Variants in ARHGAP15 observed in about 807,000 individuals in gnomAD.
ARHGAP15 encodes Rho GTPase activating protein 15, also known as rho GTPase-activating protein 15.
A neutral mutation model predicts 63.7 loss-of-function variants in ARHGAP15; 51 were observed. The observed-to-expected ratio is 0.80, with a 90% CI of 0.64 to 1.01. ARHGAP15 has a LOEUF of 1.01. ARHGAP15 is among the 50% of genes least tolerant of loss of function. The pLI is 0.00. For synonymous variants in ARHGAP15, 191 were observed against 193.8 expected (o/e 0.99, Z 0.12); for missense variants, 560 against 564.6 (o/e 0.99, Z 0.08).
intron 6 of ARHGAP15, among the ~76,000 whole-genome samples, chr2:143,251,366 T>TATTTTTTAAATTA (rs1379750833): frequency 6.6e-6 from 1 of 152,008 alleles, no homozygotes; most frequent in Non-Finnish European, 1.5e-5. Context: ...GTATAATAAT[T>TATTTTTTAAATTA]ATTTTTTAAA....
chr2:143,335,572 A>G (rs961992278), intron 6 of ARHGAP15, among the ~76,000 whole-genome samples: 1 of 152,190 alleles, frequency 6.6e-6, no homozygotes, highest in Non-Finnish European at 1.5e-5. Flanking sequence ...TGCCAAGGAA[A>G]TGTTAAAACT....
intron 8 of ARHGAP15, among the ~76,000 whole-genome samples, chr2:143,481,428 T>C (rs1379120456): frequency 6.6e-6 from 1 of 151,956 alleles, no homozygotes; most frequent in Admixed American, 6.6e-5. Flanking sequence ...AATAACAACA[T>C]GTAATTGTAA....
At chr2:143,691,654 A>T (rs1323119327) in intron 12 of ARHGAP15, among the ~76,000 whole-genome samples, 1 of 152,208 alleles carries the variant, frequency 6.6e-6, no homozygotes, top group Non-Finnish European at 1.5e-5. Flanking sequence ...CTAAATGGGA[A>T]TGAGTTGCAT....
chr2:143,390,549 T>C (rs142426924), intron 6 of ARHGAP15, among the ~76,000 whole-genome samples: 2 of 152,204 alleles, frequency 1.3e-5, no homozygotes, highest in Non-Finnish European at 2.9e-5. Flanking sequence ...GCACACAGAT[T>C]GAAATGCTTT....
At chr2:143,363,333 AG>A (rs1236989304) in intron 6 of ARHGAP15, among the ~76,000 whole-genome samples, 11 of 152,288 alleles carry the variant, frequency 7.2e-5, no homozygotes, top group African/African-American at 2.6e-4. Flanking sequence ...TGAGGCCAGG[AG>A]TATGAGACCA....
intron 9 of ARHGAP15, among the ~76,000 whole-genome samples, chr2:143,490,809 G>C (rs1353316330): frequency 6.6e-6 from 1 of 152,008 alleles, no homozygotes; most frequent in Non-Finnish European, 1.5e-5. Flanking sequence ...TTGTTTTTTA[G>C]TAGAGATGGG....
chr2:143,321,014 T>TG (rs1487975683), intron 6 of ARHGAP15, among the ~76,000 whole-genome samples: 2 of 151,968 alleles, frequency 1.3e-5, no homozygotes, highest in Non-Finnish European at 2.9e-5. Flanking sequence ...CCACTTCCTA[T>TG]GGGGGGATTC....
chr2:143,695,059 C>T (rs1683781603), intron 12 of ARHGAP15, among the ~76,000 whole-genome samples: 1 of 151,840 alleles, frequency 6.6e-6, no homozygotes, highest in African/African-American at 2.4e-5. Flanking sequence ...AAAGATAATG[C>T]TTAATGTAAA....
At chr2:143,571,737 C>T (rs1235591617) in intron 11 of ARHGAP15, 1 of 152,154 alleles carries the variant, frequency 6.6e-6, no homozygotes, top group Non-Finnish European at 1.5e-5. Context: ...GCAAGTACCC[C>T]ACTCCCTCTT....
chr2:143,646,652 T>A (rs922196031), intron 12 of ARHGAP15, among the ~76,000 whole-genome samples: 3 of 152,074 alleles, frequency 2.0e-5, no homozygotes, highest in Non-Finnish European at 4.4e-5. Context: ...GATTTATATA[T>A]GCTGAAAACA....
At chr2:143,176,234 A>G (rs1304006247) in intron 2 of ARHGAP15, among the ~76,000 whole-genome samples, 1 of 152,204 alleles carries the variant, frequency 6.6e-6, no homozygotes, top group Non-Finnish European at 1.5e-5. Flanking sequence ...ATATTAAATG[A>G]GCAATTATAT....
At chr2:143,168,272 A>G (rs1690627571) in intron 2 of ARHGAP15, among the ~76,000 whole-genome samples, 1 of 151,908 alleles carries the variant, frequency 6.6e-6, no homozygotes, top group African/African-American at 2.4e-5. Flanking sequence ...CCTGGGTGCA[A>G]GTGCAAGCAA....
chr2:143,508,975 C>T (rs1318345749), intron 9 of ARHGAP15, among the ~76,000 whole-genome samples: 2 of 152,168 alleles, frequency 1.3e-5, no homozygotes, highest in Admixed American at 6.5e-5. Context: ...GTAGAAAGGG[C>T]TGGGAAGAAC....
chr2:143,354,680 ATATAT>A (rs1208612875), intron 6 of ARHGAP15, among the ~76,000 whole-genome samples: 1 of 152,192 alleles, frequency 6.6e-6, no homozygotes, highest in East Asian at 1.9e-4. Context: ...AGCTTGAATA[ATATAT>A]TAATATAATA....
intron 8 of ARHGAP15, among the ~76,000 whole-genome samples, chr2:143,446,573 C>T (rs1488144263): frequency 6.6e-6 from 1 of 151,664 alleles, no homozygotes; most frequent in Non-Finnish European, 1.5e-5. Context: ...TGAGTGTGAG[C>T]CTGACACGAT....
chr2:143,537,931 T>C (rs1694856258), intron 10 of ARHGAP15, among the ~76,000 whole-genome samples: 1 of 152,044 alleles, frequency 6.6e-6, no homozygotes, highest in Non-Finnish European at 1.5e-5. Flanking sequence ...CATTGGTAGC[T>C]TGATGGGGAT....
intron 6 of ARHGAP15, among the ~76,000 whole-genome samples, chr2:143,384,646 G>C (rs1307783281): frequency 6.6e-6 from 1 of 151,912 alleles, no homozygotes; most frequent in East Asian, 1.9e-4. Context: ...AAGAGATTTG[G>C]ATATTCAAAA....
chr2:143,638,978 T>C (rs894947710), intron 12 of ARHGAP15, among the ~76,000 whole-genome samples: 2 of 152,110 alleles, frequency 1.3e-5, no homozygotes, highest in African/African-American at 4.8e-5. Context: ...TGTTTCCATT[T>C]GGGAAATTTA....
chr2:143,661,434 A>T (rs889518204), intron 12 of ARHGAP15, among the ~76,000 whole-genome samples: 1 of 152,168 alleles, frequency 6.6e-6, no homozygotes, highest in Non-Finnish European at 1.5e-5. Context: ...ATTAATGTCA[A>T]TTATGAATAG....
Sources: allele counts gnomAD v4.1 joint callset (sites outside exome capture counted in the v4.1 genomes callset), GRCh38; gene constraint gnomAD v4.1.1; transcripts MANE v1.5; gene names NCBI Gene and HGNC (gene_info 2026-07-23, HGNC 2026-07-21).